SCN3B: variants seen among roughly 807,000 people sequenced by gnomAD.
The protein encoded by SCN3B is sodium channel regulatory subunit beta-3.
SCN3B carries 11 observed loss-of-function variants against 25.4 expected under a neutral mutation model. The ratio of observed to expected loss-of-function variants is 0.43; its 90% CI spans 0.27 to 0.72. The LOEUF is 0.72. SCN3B is among the 30% of genes least tolerant of loss of function. The pLI is 0.18. For missense variants in SCN3B, 218 were observed against 278.3 expected, an observed-to-expected ratio of 0.78 and a Z score of 1.54; for synonymous variants, 109 against 110.7, an observed-to-expected ratio of 0.99 and a Z score of 0.09.
chr11:123,641,877 A>G (rs1955795621), intron 4 of SCN3B, among the ~76,000 whole-genome samples: 1 of 152,242 alleles, frequency 6.6e-6, no homozygotes, highest in Non-Finnish European at 1.5e-5. Flanking sequence ...AGAGGTTCTC[A>G]AGGTGTGGTC....
intron 3 of SCN3B, among the ~76,000 whole-genome samples, chr11:123,644,796 AGAGAAT>A (rs1290311658): frequency 4.6e-3 from 245 of 53,382 alleles, no homozygotes; most frequent in Non-Finnish European, 6.9e-3. Flanking sequence ...AGAGAGAGAG[AGAGAAT>A]ATATATATAT....
In SCN3B at chr11:123,641,906, G is replaced by T. The variant is rs147304218; in HGVS notation, c.445+540C>A. 2.1e-3 allele frequency among the ~76,000 whole-genome samples: 319 copies of T among 152,296 alleles called. 2 individuals are homozygous for T. Among genetic ancestry groups the T allele is most frequent in the African/African-American group, 7.4e-3 (307 of 41,566 alleles). ...TGTGGTCCCAGCAGCAGCACTGCCC[G>T]CCAGGCAGTGTGTCACGCAGTGCAA... On this transcript the variant is annotated intron_variant, in intron 4 of 6. Coordinates refer to ENST00000299333, the MANE Select transcript of SCN3B (RefSeq NM_001040151.2).
At chr11:123,653,325 GTTTTT>G (rs3862615) in intron 2 of SCN3B, among the ~76,000 whole-genome samples, 10 of 145,386 alleles carry the variant, frequency 6.9e-5, no homozygotes, top group Admixed American at 2.0e-4. Flanking sequence ...AGCTTTTATG[GTTTTT>G]TTTTTTTTTT....
At chr11:123,654,114 C>T in intron 1 of SCN3B, 112 bp downstream of exon 1, 1 of 496,950 alleles carries the variant, frequency 2.0e-6, no homozygotes, top group Non-Finnish European at 3.7e-6. Flanking sequence ...GGAACTCCAG[C>T]TTCCACTCGC....
chr11:123,653,994 G>A (rs953710283), intron 1 of SCN3B, 168 bp from the exon 2 acceptor site: 25 of 640,908 alleles, frequency 3.9e-5, no homozygotes, highest in Non-Finnish European at 5.5e-6. Context: ...GGGGCTTTGG[G>A]CCCTAAGCGA....
At chr11:123,650,998 G>C (rs954028239) in intron 2 of SCN3B, among the ~76,000 whole-genome samples, 4 of 152,082 alleles carry the variant, frequency 2.6e-5, no homozygotes, top group African/African-American at 9.7e-5. Context: ...TGAAGCAGGA[G>C]GATTACTTGA....
At position 123,631,449 on chromosome 11, in the gene SCN3B, T is replaced by C. The variant is rs1288534585; in HGVS notation, c.*2350A>G. ...TATCCTCTCCCTTATTTCAGAGGGA[T>C]TGTGTGGAAAATTACCAATAAGAAG... On this transcript the variant is annotated 3_prime_UTR_variant, in exon 7 of 7. Coordinates refer to ENST00000299333, the MANE Select transcript of SCN3B (RefSeq NM_001040151.2). 1 of 152,146 alleles carries C rather than the reference T, an allele frequency of 6.6e-6. No homozygotes were observed. The highest frequency in any genetic ancestry group is 1.9e-4 in the East Asian group (1 of 5,200). The allele number at this position is 152,146 out of a possible 1,614,324, so 9.4% of individuals were successfully genotyped here.
intron 2 of SCN3B, among the ~76,000 whole-genome samples, chr11:123,648,029 C>G (rs1191268692): frequency 6.6e-6 from 1 of 152,132 alleles, no homozygotes; most frequent in Non-Finnish European, 1.5e-5. Context: ...GATTATAGAT[C>G]TGATTAAACA....
intron 1 of SCN3B, 55 bp from the exon 2 acceptor site, chr11:123,653,881 G>A (rs1955961618): frequency 6.5e-7 from 1 of 1,536,180 alleles, no homozygotes; most frequent in African/African-American, 1.4e-5. Flanking sequence ...TTCTTTCGAG[G>A]AAACCCTTTG....
rs146229848 is a variant in SCN3B, at chr11:123,648,452, T to C, written c.56-2702A>G. On this transcript the variant is annotated intron_variant, in intron 2 of 6. Transcript: ENST00000299333. ...TCTTTCGTTTATTTCCCAAATATACTGAGTGCCTTCTGGGTGCCAGGCATT... is the reference window on the plus strand; with the variant it reads ...TCTTTCGTTTATTTCCCAAATATACCGAGTGCCTTCTGGGTGCCAGGCATT... Among the ~76,000 whole-genome samples the C allele has an allele frequency of 4.3e-3, 653 of 152,350 alleles. 6 individuals are homozygous for C. The highest frequency in any genetic ancestry group is 0.015 in the African/African-American group (634 of 41,584).
chr11:123,645,538 A>G (rs1379319747), intron 3 of SCN3B, 49 bp downstream of exon 3: 2 of 1,602,814 alleles, frequency 1.2e-6, no homozygotes, highest in Non-Finnish European at 1.7e-6. Context: ...CCAGGCTGGG[A>G]ACAGCAGAGG....
intron 2 of SCN3B, 82 bp downstream of exon 2, chr11:123,653,665 G>C (rs950948573): frequency 5.9e-6 from 9 of 1,517,052 alleles, no homozygotes; most frequent in Non-Finnish European, 8.2e-6. Context: ...GCTCTTTTCT[G>C]TCACCAACGA....
chr11:123,645,079 C>A (rs1148107), intron 3 of SCN3B, among the ~76,000 whole-genome samples: 148,268 of 151,942 alleles, frequency 0.98, 72,369 homozygotes, highest in Middle Eastern at 1. Flanking sequence ...AACTGTTTGA[C>A]ATAATTGACT....
Position 123,642,574 on chromosome 11 carries a change from G to A in SCN3B, c.317C>T (p.Thr106Ile). The change falls in exon 4 of 7, where the codon ACT becomes ATT. Residue 106 changes from threonine to isoleucine, a missense_variant. Transcript: ENST00000299333. This position sits in a 1 kb window ranked among gnomAD's most constrained non-coding sequence, Gnocchi z 4.3. Reference protein sequence around the residue: ...GSKDLQDVSITVLNVTLNDSG... With the variant: ...GSKDLQDVSIIVLNVTLNDSG... ...GTCGTTCAGAGTGACGTTGAGCACAGTGATGGACACGTCCTGCAGGTCCTT... is the reference window on the plus strand; with the variant it reads ...GTCGTTCAGAGTGACGTTGAGCACAATGATGGACACGTCCTGCAGGTCCTT... 3 of 1,613,128 alleles carry A rather than the reference G, an allele frequency of 1.9e-6. No homozygotes were observed. Among genetic ancestry groups the A allele is most frequent in the Non-Finnish European group, 2.5e-6 (3 of 1,179,628 alleles).
chr11:123,637,004 T>G (rs1167167214), intron 5 of SCN3B, among the ~76,000 whole-genome samples: 2 of 152,142 alleles, frequency 1.3e-5, no homozygotes, highest in Non-Finnish European at 2.9e-5. Context: ...AATGATGCTT[T>G]CTTTATCAAA....
At chr11:123,638,068 T>G (rs1268874496) in intron 5 of SCN3B, 118 bp downstream of exon 5, 4 of 1,234,128 alleles carry the variant, frequency 3.2e-6, no homozygotes, top group East Asian at 2.5e-5. Flanking sequence ...GCCTATCTCT[T>G]AAGCAGTGAT....
intron 5 of SCN3B, among the ~76,000 whole-genome samples, chr11:123,636,489 C>T (rs1345567690): frequency 1.3e-5 from 2 of 152,164 alleles, no homozygotes; most frequent in African/African-American, 4.8e-5. Flanking sequence ...ATATTACAGG[C>T]ACTTGAGGTT....
chr11:123,635,395 C>T (rs754040702), intron 5 of SCN3B, among the ~76,000 whole-genome samples: 2 of 152,012 alleles, frequency 1.3e-5, no homozygotes, highest in Non-Finnish European at 2.9e-5. Context: ...TGTAAGAAAC[C>T]TTCATCTGGC....
intron 3 of SCN3B, 54 bp downstream of exon 3, chr11:123,645,533 C>A (rs779905591): frequency 3.8e-6 from 6 of 1,595,782 alleles, no homozygotes; most frequent in Non-Finnish European, 5.2e-6. Flanking sequence ...AGGAGCCAGG[C>A]TGGGAACAGC....
Sources: gnomAD v4.1 joint callset for allele counts (sites outside exome capture counted in the v4.1 genomes callset) on GRCh38, gnomAD v4.1.1 for gene constraint, Gnocchi (gnomAD v3.1) non-coding constraint, MANE v1.5 for transcripts, NCBI Gene and HGNC (gene_info 2026-07-23, HGNC 2026-07-21) for gene names.